Variants in ZNF652 observed in about 807,000 individuals in gnomAD.
The protein encoded by ZNF652 is zinc finger protein 652.
Under a neutral mutation model 45.2 loss-of-function variants are expected in ZNF652, and 16 were observed. The observed-to-expected ratio is 0.35, with a 90% confidence interval of 0.24 to 0.54. The LOEUF (loss-of-function observed/expected upper bound fraction) is 0.54. Among genes scored for constraint, ZNF652 ranks in the 20% least tolerant of loss-of-function variants. The pLI is 0.91. For synonymous variants in ZNF652, 250 were observed against 260.6 expected (o/e 0.96, Z 0.39); for missense variants, 614 against 765.6 (o/e 0.80, Z 2.34).
intron 2 of ZNF652, 91 bp downstream of exon 2, chr17:49,316,735 T>C (rs979735782): frequency 1.0e-4 from 132 of 1,322,078 alleles, no homozygotes; most frequent in Non-Finnish European, 1.3e-4. Context: ...CTTCAGCCTC[T>C]ATTGCATTTA....
At chr17:49,344,517 AAT>A (rs149231737) in intron 1 of ZNF652, among the ~76,000 whole-genome samples, 132 of 133,368 alleles carry the variant, frequency 9.9e-4, no homozygotes, top group Non-Finnish European at 1.5e-3. Flanking sequence ...ATCAAAGCAA[AAT>A]TTTTTTTTTT....
Position 49,362,228 on chromosome 17 carries a change from AG to A in ZNF652, c.-579del. The stretch of plus-strand genomic sequence containing the variant: ...GTGCGTGTGTGGATGTGTGTGCCGG[AG>A]GGGGCAGGGAGGGAGGCGAGCGGCG... On this transcript the variant is annotated 5_prime_UTR_variant, in exon 1 of 6. Coordinates refer to ENST00000430262, the MANE Select transcript of ZNF652 (RefSeq NM_001145365.3). 6.7e-6 allele frequency: 1 copy of A among 150,292 alleles called. No individual in the cohort carries two copies. Among genetic ancestry groups the A allele is most frequent in the South Asian group, 1.9e-4 (1 of 5,306 alleles). The allele number at this position is 150,292 out of a possible 1,614,324, so 9.3% of individuals were successfully genotyped here.
intron 5 of ZNF652, among the ~76,000 whole-genome samples, chr17:49,299,673 G>A (rs748733439): frequency 6.6e-6 from 1 of 151,648 alleles, no homozygotes; most frequent in African/African-American, 2.4e-5. Context: ...GAGCCACTGC[G>A]CCTGGCTGCA....
At chr17:49,299,921 A>C (rs1380014632) in intron 5 of ZNF652, among the ~76,000 whole-genome samples, 1 of 151,540 alleles carries the variant, frequency 6.6e-6, no homozygotes, top group African/African-American at 2.4e-5. Flanking sequence ...CATGGGCTCA[A>C]GTGATCCTCC....
intron 1 of ZNF652, among the ~76,000 whole-genome samples, chr17:49,338,373 G>A (rs915450375): frequency 6.6e-6 from 1 of 152,060 alleles, no homozygotes; most frequent in Non-Finnish European, 1.5e-5. Flanking sequence ...ATGGAACTGT[G>A]GTAACCATCT....
Position 49,317,080 on chromosome 17 carries a change from T to C in ZNF652, c.646A>G (p.Ser216Gly), listed in dbSNP as rs779622894. The C allele has an allele frequency of 5.6e-6, 9 of 1,614,030 alleles. No individual in the cohort carries two copies. The East Asian group carries it at 2.0e-4, about 36-fold the overall frequency. The change falls in exon 2 of 6, where the codon AGT (serine) becomes GGT (glycine). Residue 216 changes from serine to glycine, a missense_variant. Ser to Gly is a moderately conservative substitution (Grantham distance 56, BLOSUM62 0). Around this residue, in one of 5 missense-constraint regions of ZNF652, gnomAD observed 262 missense variants for 306.3 expected, o/e 0.86. Coordinates refer to ENST00000430262, the MANE Select transcript of ZNF652 (RefSeq NM_001145365.3). Reference sequence around the variant, plus strand: ...TTCTTACGCTTAGGTGGCTCTACACTCTTCCTACGACCTCTTGTAGTTCTG... The same window carrying C: ...TTCTTACGCTTAGGTGGCTCTACACCCTTCCTACGACCTCTTGTAGTTCTG... ...TPRTTRGRRKSVEPPKRKKRA... is the reference protein window; with the variant it reads ...TPRTTRGRRKGVEPPKRKKRA...
intron 5 of ZNF652, among the ~76,000 whole-genome samples, chr17:49,304,299 G>GT (rs964499672): frequency 2.2e-4 from 34 of 151,764 alleles, no homozygotes; most frequent in South Asian, 1.7e-3. Context: ...ATTAAAATTG[G>GT]TTTTTTTTAC....
chr17:49,334,588 GGGC>G (rs534884556), intron 1 of ZNF652, among the ~76,000 whole-genome samples: 4 of 152,070 alleles, frequency 2.6e-5, no homozygotes, highest in South Asian at 4.1e-4. Flanking sequence ...AGACCAGCGT[GGGC>G]AACATGGTGA....
chr17:49,360,699 A>C (rs2070383228), intron 1 of ZNF652, among the ~76,000 whole-genome samples: 1 of 152,132 alleles, frequency 6.6e-6, no homozygotes, highest in African/African-American at 2.4e-5. Context: ...TTGTCAACAA[A>C]GCATGTGCTA....
intron 1 of ZNF652, among the ~76,000 whole-genome samples, chr17:49,347,649 G>A (rs976335750): frequency 1.3e-5 from 2 of 151,092 alleles, no homozygotes; most frequent in Non-Finnish European, 2.9e-5. Context: ...CCAAAAAGAG[G>A]CAACCAGCTT....
chr17:49,333,371 TA>T (rs1411879838), intron 1 of ZNF652, among the ~76,000 whole-genome samples: 1 of 148,548 alleles, frequency 6.7e-6, no homozygotes, highest in Non-Finnish European at 1.5e-5. Flanking sequence ...TGAAATAATT[TA>T]AAAAATTAAA....
At chr17:49,304,485 C>T (rs141438421) in intron 5 of ZNF652, among the ~76,000 whole-genome samples, 2 of 152,064 alleles carry the variant, frequency 1.3e-5, no homozygotes, top group African/African-American at 4.8e-5. Flanking sequence ...TTTAAGATTA[C>T]AATGAGGGTG....
Position 49,294,509 on chromosome 17 carries a change from G to A in ZNF652, c.*3904C>T, listed in dbSNP as rs893947258. The A allele has an allele frequency of 1.3e-5, 2 of 152,036 alleles. No individual in the cohort carries two copies. Among genetic ancestry groups the A allele is most frequent in the Admixed American group, 6.6e-5 (1 of 15,258 alleles). The allele number at this position is 152,036 out of a possible 1,614,324, so 9.4% of individuals were successfully genotyped here. On this transcript the variant is annotated 3_prime_UTR_variant, in exon 6 of 6. Transcript: ENST00000430262. ...TGAAGCCACATGCCTTTAAATTGTT[G>A]TCTTTTCTTCATTCAAATTTAAAAA... is the stretch of plus-strand genomic sequence containing the variant.
chr17:49,304,282 G>T (rs903728686), intron 5 of ZNF652, among the ~76,000 whole-genome samples: 1 of 151,948 alleles, frequency 6.6e-6, no homozygotes, highest in Non-Finnish European at 1.5e-5. Flanking sequence ...CAAATGCCTG[G>T]ATTCAAATTA....
At chr17:49,331,183 G>A (rs2070020605) in intron 1 of ZNF652, among the ~76,000 whole-genome samples, 2 of 147,862 alleles carry the variant, frequency 1.4e-5, no homozygotes, top group African/African-American at 2.5e-5. Flanking sequence ...GGGCAGTGGC[G>A]CGATCTCAGC....
intron 1 of ZNF652, among the ~76,000 whole-genome samples, chr17:49,330,109 T>G (rs1236561717): frequency 6.6e-6 from 1 of 152,172 alleles, no homozygotes; most frequent in Non-Finnish European, 1.5e-5. Flanking sequence ...AGGTAAGTTT[T>G]GTGTGTACTG....
chr17:49,308,623 G>A (rs2069664483), intron 5 of ZNF652, among the ~76,000 whole-genome samples: 2 of 152,078 alleles, frequency 1.3e-5, no homozygotes, highest in Admixed American at 1.3e-4. Flanking sequence ...CCAACACAGT[G>A]AAACCCCATC....
chr17:49,351,009 A>G (rs1334819394), intron 1 of ZNF652, among the ~76,000 whole-genome samples: 446 of 13,672 alleles, frequency 0.033, 38 homozygotes, highest in Admixed American at 0.13. Flanking sequence ...ATATATATAT[A>G]TATATACACA....
intron 1 of ZNF652, among the ~76,000 whole-genome samples, chr17:49,332,672 G>C (rs2070037033): frequency 6.6e-6 from 1 of 152,138 alleles, no homozygotes; most frequent in Admixed American, 6.6e-5. Context: ...TGAAGACAGA[G>C]GTCTTGCTAT....
Sources: allele counts gnomAD v4.1 joint callset (sites outside exome capture counted in the v4.1 genomes callset), GRCh38; gene constraint gnomAD v4.1.1; regional missense constraint gnomAD v4.1.1; transcripts MANE v1.5; gene names NCBI Gene and HGNC (gene_info 2026-07-23, HGNC 2026-07-21).